The following ALG12 variants were observed in gnomAD, a reference collection of about 807,000 sequenced individuals.
The protein encoded by ALG12 is dol-P-Man:Man(7)GlcNAc(2)-PP-Dol alpha-1,6-mannosyltransferase.
Under a neutral mutation model 46.0 loss-of-function variants are expected in ALG12, and 36 were observed. The observed-to-expected ratio is 0.78, with a 90% CI of 0.60 to 1.03. ALG12 has a LOEUF of 1.03. ALG12 is among the 50% of genes least tolerant of loss of function. The probability of loss-of-function intolerance (pLI) is 0.00; values close to 1 mark genes in which losing one functional copy is unlikely to be tolerated. For synonymous variants in ALG12, 326 were observed against 291.6 expected, an observed-to-expected ratio of 1.12 and a Z score of -1.20; for missense variants, 599 against 633.5, an observed-to-expected ratio of 0.95 and a Z score of 0.58.
chr22:49,873,028 G>A, the ALG12 span, among the ~76,000 whole-genome samples: 1 of 152,122 alleles, frequency 6.6e-6, no homozygotes, highest in Admixed American at 6.5e-5. Flanking sequence ...CTGGGGTTTT[G>A]CCATGTTGCC....
At chr22:49,896,812 A>ATT (rs376084328), downstream of ALG12, among the ~76,000 whole-genome samples, 6 of 149,452 alleles carry the variant, frequency 4.0e-5, no homozygotes, top group African/African-American at 7.4e-5. Flanking sequence ...ATTTTTGTAT[A>ATT]TTTTTTTTTA....
At chr22:49,897,663 CTTTTTTT>C (rs146468551), downstream of ALG12, among the ~76,000 whole-genome samples, 8 of 103,656 alleles carry the variant, frequency 7.7e-5, no homozygotes, top group East Asian at 2.7e-4. Context: ...CCCATGTTTT[CTTTTTTT>C]TTTTTTTTTT....
chr22:49,896,803 T>C (rs2060485033), downstream of ALG12, among the ~76,000 whole-genome samples: 1 of 148,180 alleles, frequency 6.7e-6, no homozygotes, highest in Admixed American at 6.7e-5. Context: ...GCCTGGCTAA[T>C]TTTTGTATAT....
the ALG12 span, among the ~76,000 whole-genome samples, chr22:49,869,310 C>A: frequency 9.9e-5 from 15 of 152,132 alleles, no homozygotes; most frequent in African/African-American, 3.6e-4. Flanking sequence ...GGCAGAGGCA[C>A]CCGTAACAGT....
the ALG12 span, among the ~76,000 whole-genome samples, chr22:49,892,319 T>C: frequency 6.6e-6 from 1 of 152,108 alleles, no homozygotes; most frequent in African/African-American, 2.4e-5. Context: ...CATTTTTTCC[T>C]GTTGGGCCAT....
At chr22:49,879,202 G>A in the ALG12 span, among the ~76,000 whole-genome samples, 1 of 150,276 alleles carries the variant, frequency 6.7e-6, no homozygotes, top group African/African-American at 2.4e-5. Flanking sequence ...TCGGCTCACT[G>A]TAACTTGCGC....
chr22:49,870,551 T>C, the ALG12 span, among the ~76,000 whole-genome samples: 1 of 152,216 alleles, frequency 6.6e-6, no homozygotes, highest in African/African-American at 2.4e-5. Context: ...TCGTTGTGGT[T>C]TTGATTTGCA....
At chr22:49,865,474 C>T in the ALG12 span, among the ~76,000 whole-genome samples, 1 of 151,866 alleles carries the variant, frequency 6.6e-6, no homozygotes, top group Admixed American at 6.6e-5. Flanking sequence ...CATGGTGAAA[C>T]CCCGTCTCTA....
chr22:49,889,022 G>A, the ALG12 span: 2 of 167,222 alleles, frequency 1.2e-5, no homozygotes, highest in African/African-American at 4.8e-5. Context: ...TTGGGATATT[G>A]AGCTTCATGG....
At chr22:49,879,218 G>A in the ALG12 span, among the ~76,000 whole-genome samples, 3 of 150,142 alleles carry the variant, frequency 2.0e-5, no homozygotes, top group Admixed American at 6.6e-5. Flanking sequence ...TGCGCCTCCC[G>A]GGTTCAAGCG....
chr22:49,899,596 G>T (rs2060495817), downstream of ALG12, among the ~76,000 whole-genome samples: 1 of 152,040 alleles, frequency 6.6e-6, no homozygotes, highest in Non-Finnish European at 1.5e-5. Context: ...GAGGGAACGT[G>T]GCAATACCCA....
rs1200867551 is a variant in ALG12, at chr22:49,901,944, AATGTGC to A, written c.*1888_*1893del. 8.7e-6 allele frequency: 1 copy of A among 115,066 alleles called. No homozygotes were observed. The highest frequency in any genetic ancestry group is 1.7e-5 in the Non-Finnish European group (1 of 58,230). 7.1% of individuals were successfully genotyped at this position (115,066 alleles called of 1,614,324 possible). On this transcript the variant is annotated 3_prime_UTR_variant, in exon 10 of 10. Transcript: ENST00000330817. The stretch of plus-strand genomic sequence containing the variant: ...CGCATGCACTGTGTGTATGCACGGT[AATGTGC>A]ACGTGTGCACTGTGTGTGGTGTGTA...
chr22:49,874,441 A>G, the ALG12 span, among the ~76,000 whole-genome samples: 2 of 149,476 alleles, frequency 1.3e-5, no homozygotes, highest in African/African-American at 5.0e-5. Flanking sequence ...GCTGGAGTGC[A>G]GTGGTGCGAT....
At chr22:49,881,308 C>T in the ALG12 span, among the ~76,000 whole-genome samples, 13 of 152,262 alleles carry the variant, frequency 8.5e-5, no homozygotes, top group African/African-American at 1.9e-4. Context: ...GAGATCGTGC[C>T]GCTGCACACT....
At chr22:49,911,844 C>T (rs2060578426) in intron 3 of ALG12, among the ~76,000 whole-genome samples, 3 of 152,316 alleles carry the variant, frequency 2.0e-5, no homozygotes, top group Admixed American at 2.0e-4. Context: ...TTCACAGACC[C>T]CAGCAAAGCC....
rs2146607505 is a variant in ALG12, at chr22:49,909,901, G to C, written c.657C>G (p.Leu219=). The change falls in exon 5 of 10, where the codon CTC becomes CTG. Residue 219 remains leucine, a synonymous_variant. Transcript: ENST00000330817. ...CCACAGTGACTGACTTACCTAAACA[G>C]AGGATCCCTGCCGGGACGGCGTGGC... ...ALRHAVPAGI[L]CLGLTVAVDS... The C allele has an allele frequency of 6.2e-7, 1 of 1,614,146 alleles. No individual in the cohort carries two copies. The highest frequency in any genetic ancestry group is 8.5e-7 in the Non-Finnish European group (1 of 1,180,022).
Position 49,906,310 on chromosome 22 carries a change from G to A in ALG12, c.992+1411C>T, listed in dbSNP as rs1435760509. Among the ~76,000 whole-genome samples the A allele has an allele frequency of 6.6e-6, 1 of 152,186 alleles. No homozygotes were observed. Among genetic ancestry groups the A allele is most frequent in the Admixed American group, 6.5e-5 (1 of 15,282 alleles). On this transcript the variant is annotated intron_variant, in intron 7 of 9. Transcript: ENST00000330817. This position sits in a 1 kb window ranked among gnomAD's most constrained non-coding sequence, Gnocchi z 4.4. ...TTCCTACCCTCTTTTCCATGACTCT[G>A]GCTGGGGTCTGCTCCTCCTCCAGCC...
At chr22:49,883,501 C>G in the ALG12 span, 7 of 1,019,214 alleles carry the variant, frequency 6.9e-6, no homozygotes, top group South Asian at 1.1e-4. Context: ...GTCACAGATT[C>G]TTTTTTTCAG....
In ALG12 at chr22:49,909,340, C is replaced by A; in HGVS notation, c.672G>T (p.Thr224=). 1 of 1,614,206 alleles carries A rather than the reference C, an allele frequency of 6.2e-7. No homozygotes were observed. The highest frequency in any genetic ancestry group is 8.5e-7 in the Non-Finnish European group (1 of 1,180,034). The change falls in exon 6 of 10, where the codon ACG becomes ACT. Residue 224 remains threonine (T), a synonymous_variant. Coordinates refer to ENST00000330817, the MANE Select transcript of ALG12 (RefSeq NM_024105.4). ...VPAGILCLGL[T]VAVDSYFWRQ... is the part of the protein sequence containing the mutation. ...GCCAAAAATAAGAGTCCACAGCAAC[C>A]GTCAGTCCTGACAAAATAAAATAGA... is the stretch of plus-strand genomic sequence containing the variant.
Sources: gnomAD v4.1 joint callset for allele counts (sites outside exome capture counted in the v4.1 genomes callset) on GRCh38, gnomAD v4.1.1 for gene constraint, Gnocchi (gnomAD v3.1) non-coding constraint, MANE v1.5 for transcripts, NCBI Gene and HGNC (gene_info 2026-07-23, HGNC 2026-07-21) for gene names.